GAB2: variants seen among roughly 807,000 people sequenced by gnomAD.
GAB2 encodes the protein GRB2 associated binding protein 2, also known as GRB2-associated-binding protein 2.
GAB2 carries 26 observed loss-of-function variants against 65.5 expected under a neutral mutation model. The observed-to-expected ratio is 0.40, with a 90% CI of 0.29 to 0.55. GAB2 has a LOEUF of 0.55. Ranked by LOEUF, GAB2 falls within the 20% of genes least tolerant of loss-of-function variation. The pLI, the probability that GAB2 is intolerant of heterozygous loss-of-function variation, is 0.53. For synonymous variants in GAB2, 321 were observed against 329.6 expected (o/e 0.97, Z 0.28); for missense variants, 884 against 875.8 (o/e 1.01, Z -0.12).
chr11:78,256,435 G>A (rs1042972992), intron 2 of GAB2, among the ~76,000 whole-genome samples: 1 of 152,158 alleles, frequency 6.6e-6, no homozygotes, highest in African/African-American at 2.4e-5. Flanking sequence ...GAAATATCTA[G>A]AAGAGGCAAA....
chr11:78,365,540 GC>G (rs1856485138), intron 1 of GAB2, among the ~76,000 whole-genome samples: 1 of 152,134 alleles, frequency 6.6e-6, no homozygotes, highest in African/African-American at 2.4e-5. Flanking sequence ...CCTATCCAAA[GC>G]CCTAAGGAGG....
At chr11:78,251,821 A>G (rs951863389) in intron 2 of GAB2, among the ~76,000 whole-genome samples, 1 of 152,110 alleles carries the variant, frequency 6.6e-6, no homozygotes, top group African/African-American at 2.4e-5. Flanking sequence ...TGTCTAACCC[A>G]TGGCTTTCTG....
intron 9 of GAB2, among the ~76,000 whole-genome samples, chr11:78,219,951 G>A (rs892964356): frequency 6.6e-6 from 1 of 152,136 alleles, no homozygotes; most frequent in Non-Finnish European, 1.5e-5. Context: ...ATCGACGGCA[G>A]GGCTCTGGAC....
At chr11:78,309,525 A>AGT (rs1855443776) in intron 1 of GAB2, among the ~76,000 whole-genome samples, 1 of 148,968 alleles carries the variant, frequency 6.7e-6, no homozygotes, top group Non-Finnish European at 1.5e-5. Flanking sequence ...GCTGGAGTAC[A>AGT]GTGGCATGAT....
rs1023933004 is a variant in GAB2 at position 78,215,295 on chromosome 11, C to T, written c.*3977G>A. 16 of 152,590 alleles carry T rather than the reference C, an allele frequency of 1.0e-4. No homozygotes were observed. Among genetic ancestry groups the T allele is most frequent in the African/African-American group, 3.4e-4 (14 of 41,416 alleles). 9.5% of individuals were successfully genotyped at this position (152,590 alleles called of 1,614,324 possible). A position where few individuals can be genotyped will look rare whatever the true frequency, so the allele number is the denominator to read the frequency against. ...GACAAGATGGACACGGCAGCTGGTTCTGGGGTGCATTTCTAGTGGACTTTA... is the reference window on the plus strand; with the variant it reads ...GACAAGATGGACACGGCAGCTGGTTTTGGGGTGCATTTCTAGTGGACTTTA... On this transcript the variant is annotated 3_prime_UTR_variant, in exon 10 of 10. Coordinates refer to ENST00000361507, the MANE Select transcript of GAB2 (RefSeq NM_080491.3).
chr11:78,279,220 A>C (rs1015498827), intron 2 of GAB2, among the ~76,000 whole-genome samples: 6 of 152,326 alleles, frequency 3.9e-5, no homozygotes, highest in Non-Finnish European at 8.8e-5. Context: ...TTCAGGAATG[A>C]CTGGCTACAT....
At chr11:78,333,420 T>C (rs1855948301) in intron 1 of GAB2, among the ~76,000 whole-genome samples, 1 of 152,158 alleles carries the variant, frequency 6.6e-6, no homozygotes, top group South Asian at 2.1e-4. Context: ...TGCACCACCA[T>C]GCCCAGCTAA....
intron 2 of GAB2, among the ~76,000 whole-genome samples, chr11:78,274,853 T>C (rs2134573459): frequency 6.6e-6 from 1 of 152,284 alleles, no homozygotes; most frequent in East Asian, 1.9e-4. Context: ...CAGATGCTTA[T>C]ATTCCAGGAG....
intron 1 of GAB2, among the ~76,000 whole-genome samples, chr11:78,351,486 T>C (rs1043961084): frequency 6.6e-6 from 1 of 152,170 alleles, no homozygotes; most frequent in African/African-American, 2.4e-5. Context: ...TTCATGGTAC[T>C]TGTGGAGAGT....
chr11:78,329,305 T>G (rs973716956), intron 1 of GAB2, among the ~76,000 whole-genome samples: 8 of 152,168 alleles, frequency 5.3e-5, no homozygotes, highest in South Asian at 2.1e-4. Context: ...CTCTTTATAT[T>G]AATTAAAAAT....
intron 3 of GAB2, among the ~76,000 whole-genome samples, chr11:78,247,243 T>TA (rs1865323846): frequency 6.6e-6 from 1 of 152,168 alleles, no homozygotes; most frequent in Non-Finnish European, 1.5e-5. Context: ...TTTTTCAGAG[T>TA]CTTTGGGTAT....
intron 1 of GAB2, among the ~76,000 whole-genome samples, chr11:78,396,538 GC>G (rs1419885871): frequency 6.6e-6 from 1 of 152,174 alleles, no homozygotes; most frequent in Non-Finnish European, 1.5e-5. Flanking sequence ...TATTACACAT[GC>G]TTGAGAAACT....
chr11:78,287,014 T>C (rs918779425), intron 1 of GAB2, among the ~76,000 whole-genome samples: 14 of 152,146 alleles, frequency 9.2e-5, no homozygotes, highest in African/African-American at 3.1e-4. Flanking sequence ...AAAATACAAA[T>C]AGAATTCAGC....
At chr11:78,386,190 A>G (rs536258686) in intron 1 of GAB2, among the ~76,000 whole-genome samples, 5 of 152,318 alleles carry the variant, frequency 3.3e-5, no homozygotes, top group Admixed American at 1.3e-4. Flanking sequence ...TATGTGAACA[A>G]TCAAACCCAG....
chr11:78,368,624 A>G (rs916523213), intron 1 of GAB2, among the ~76,000 whole-genome samples: 1 of 152,242 alleles, frequency 6.6e-6, no homozygotes, highest in Non-Finnish European at 1.5e-5. Context: ...ACCAAATGAG[A>G]AAAGGAACAA....
chr11:78,250,497 G>A, intron 2 of GAB2, 97 bp from the exon 3 acceptor site: 1 of 1,114,214 alleles, frequency 9.0e-7, no homozygotes, highest in Non-Finnish European at 1.3e-6. Flanking sequence ...TAAGAGCAGA[G>A]AAAATAATCC....
intron 5 of GAB2, 89 bp from the exon 6 acceptor site, chr11:78,223,765 G>T: frequency 9.1e-7 from 1 of 1,098,068 alleles, no homozygotes; most frequent in Non-Finnish European, 1.3e-6. Flanking sequence ...GGCAAGACAA[G>T]TCATGACTGG....
intron 1 of GAB2, among the ~76,000 whole-genome samples, chr11:78,334,690 T>C (rs1165733057): frequency 2.6e-5 from 4 of 152,238 alleles, no homozygotes; most frequent in Middle Eastern, 3.2e-3. Flanking sequence ...CCTGGGCTAT[T>C]GTGAACAGTG....
chr11:78,328,544 G>A (rs1855863663), intron 1 of GAB2, among the ~76,000 whole-genome samples: 1 of 152,140 alleles, frequency 6.6e-6, no homozygotes, highest in African/African-American at 2.4e-5. Context: ...GAAGGAGAAT[G>A]CATAAACAAA....
Sources: gnomAD v4.1 joint callset for allele counts (sites outside exome capture counted in the v4.1 genomes callset) on GRCh38, gnomAD v4.1.1 for gene constraint, MANE v1.5 for transcripts, NCBI Gene and HGNC (gene_info 2026-07-23, HGNC 2026-07-21) for gene names.